The following ZNF892 variants were observed in gnomAD, a reference collection of about 807,000 sequenced individuals.
ZNF892 encodes the protein zinc finger protein 570-like.
At chr2:95,248,766 T>A in the ZNF892 span, among the ~76,000 whole-genome samples, 29 of 152,326 alleles carry the variant, frequency 1.9e-4, 1 homozygote, top group South Asian at 5.6e-3. Context: ...ACACAAAATT[T>A]CTTTTCCTCA....
the ZNF892 span, among the ~76,000 whole-genome samples, chr2:95,237,884 C>T: frequency 1.3e-5 from 2 of 152,156 alleles, no homozygotes; most frequent in African/African-American, 4.8e-5. Flanking sequence ...AAGCCTAATC[C>T]AGAGCAAACC....
the ZNF892 span, among the ~76,000 whole-genome samples, chr2:95,247,205 A>G: frequency 2.0e-5 from 3 of 152,218 alleles, no homozygotes; most frequent in African/African-American, 4.8e-5. Context: ...ATAAAGTTGC[A>G]TACCTACAGC....
the ZNF892 span, among the ~76,000 whole-genome samples, chr2:95,213,990 T>C: frequency 6.6e-6 from 1 of 152,156 alleles, no homozygotes; most frequent in African/African-American, 2.4e-5. Context: ...AAAGGATCTA[T>C]CTCCTCTAGA....
At chr2:95,226,872 C>A in the ZNF892 span, among the ~76,000 whole-genome samples, 2 of 152,160 alleles carry the variant, frequency 1.3e-5, no homozygotes, top group Non-Finnish European at 2.9e-5. Context: ...ATCCAAATCA[C>A]TGCCCTGTTC....
the ZNF892 span, among the ~76,000 whole-genome samples, chr2:95,225,442 G>T: frequency 6.6e-6 from 1 of 152,168 alleles, no homozygotes. Flanking sequence ...AACATGGAAG[G>T]GTAAGAGAGA....
chr2:95,232,725 T>G, the ZNF892 span, among the ~76,000 whole-genome samples: 767 of 152,348 alleles, frequency 5.0e-3, 8 homozygotes, highest in African/African-American at 0.017. Flanking sequence ...AGGAAAAGGA[T>G]TCTATTTTAT....
chr2:95,229,465 C>T, the ZNF892 span, among the ~76,000 whole-genome samples: 1 of 152,162 alleles, frequency 6.6e-6, no homozygotes, highest in Non-Finnish European at 1.5e-5. Flanking sequence ...TGTCCCAATG[C>T]CTCACCTCCC....
chr2:95,260,241 T>C, the ZNF892 span, among the ~76,000 whole-genome samples: 1 of 152,186 alleles, frequency 6.6e-6, no homozygotes, highest in Non-Finnish European at 1.5e-5. Flanking sequence ...ACTCACCAGC[T>C]CATCTAGTTC....
At chr2:95,229,261 A>G in the ZNF892 span, among the ~76,000 whole-genome samples, 1 of 152,232 alleles carries the variant, frequency 6.6e-6, no homozygotes, top group Non-Finnish European at 1.5e-5. Flanking sequence ...CTATGGGTCC[A>G]TGGATTCCTT....
the ZNF892 span, among the ~76,000 whole-genome samples, chr2:95,251,135 A>T: frequency 6.6e-5 from 10 of 151,998 alleles, no homozygotes; most frequent in Non-Finnish European, 1.3e-4. Context: ...ATTTGGTGGT[A>T]AAAAAATCAC....
the ZNF892 span, among the ~76,000 whole-genome samples, chr2:95,214,046 A>C: frequency 1.3e-5 from 2 of 152,108 alleles, no homozygotes; most frequent in African/African-American, 4.8e-5. Context: ...ACCTCTTCTT[A>C]GTCTCATTCT....
At chr2:95,213,109 A>G in the ZNF892 span, among the ~76,000 whole-genome samples, 1 of 152,192 alleles carries the variant, frequency 6.6e-6, no homozygotes. Flanking sequence ...CCAGCTCTGT[A>G]TTCCTCTACC....
the ZNF892 span, among the ~76,000 whole-genome samples, chr2:95,260,594 C>T: frequency 3.3e-5 from 5 of 152,346 alleles, no homozygotes; most frequent in South Asian, 4.1e-4. Context: ...CCCCCTAGGA[C>T]ATTGCCAGTC....
At chr2:95,210,005 C>T in the ZNF892 span, among the ~76,000 whole-genome samples, 3 of 151,780 alleles carry the variant, frequency 2.0e-5, no homozygotes, top group African/African-American at 4.8e-5. Context: ...TTTTACCAGT[C>T]ATTTTTGAAA....
the ZNF892 span, among the ~76,000 whole-genome samples, chr2:95,228,860 C>T: frequency 6.6e-6 from 1 of 152,044 alleles, no homozygotes; most frequent in Admixed American, 6.6e-5. Flanking sequence ...AGTAAACCTG[C>T]CTCCCATTCT....
the ZNF892 span, chr2:95,208,554 CTCT>C: frequency 5.0e-6 from 2 of 397,942 alleles, no homozygotes; most frequent in East Asian, 7.1e-5. Context: ...CCAGTGTTGA[CTCT>C]TCTTAGATGA....
the ZNF892 span, among the ~76,000 whole-genome samples, chr2:95,254,605 T>G: frequency 6.6e-6 from 1 of 152,214 alleles, no homozygotes; most frequent in Non-Finnish European, 1.5e-5. Context: ...TAAAATGTGT[T>G]AGGGAGGATT....
chr2:95,249,607 A>G, the ZNF892 span, among the ~76,000 whole-genome samples: 1 of 152,058 alleles, frequency 6.6e-6, no homozygotes, highest in African/African-American at 2.4e-5. Flanking sequence ...GAAAGTAAAC[A>G]ATATTTGAAT....
At chr2:95,231,877 T>G in the ZNF892 span, among the ~76,000 whole-genome samples, 1 of 152,212 alleles carries the variant, frequency 6.6e-6, no homozygotes, top group Non-Finnish European at 1.5e-5. Flanking sequence ...GAGACCCTGG[T>G]GCTCTCTGGA....
Sources: gnomAD v4.1 joint callset for allele counts (sites outside exome capture counted in the v4.1 genomes callset) on GRCh38, gnomAD v4.1.1 for gene constraint, MANE v1.5 for transcripts, NCBI Gene and HGNC (gene_info 2026-07-23, HGNC 2026-07-21) for gene names.